DMD: variants seen among roughly 807,000 people sequenced by gnomAD.
DMD encodes dystrophin.
DMD carries 63 observed loss-of-function variants against 330.1 expected under a neutral mutation model. The observed-to-expected ratio is 0.19, with a 90% confidence interval of 0.16 to 0.24. The LOEUF (loss-of-function observed/expected upper bound fraction) is 0.24, where lower values mean the gene tolerates loss of function less well. Among genes scored for constraint, DMD ranks in the 10% least tolerant of loss-of-function variants. The pLI is 1.00. For missense variants in DMD, 3,344 were observed against 2,684.1 expected (o/e 1.25, Z -5.43); for synonymous variants, 1,223 against 959.8 (o/e 1.27, Z -5.07).
intron 60 of DMD, among the ~76,000 whole-genome samples, chrX:31,393,350 G>A (rs2060762680): frequency 9.2e-6 from 1 of 108,611 alleles, no homozygotes; most frequent in African/African-American, 3.3e-5. Flanking sequence ...GGTGGCGGAC[G>A]CCTGTAGTCC....
intron 47 of DMD, among the ~76,000 whole-genome samples, chrX:31,877,856 G>A (rs963656833): frequency 8.9e-6 from 1 of 111,862 alleles, no homozygotes; most frequent in African/African-American, 3.3e-5. Flanking sequence ...CTACTCACAA[G>A]TAGATGTAAA....
chrX:33,150,696 G>T (rs1185039325), intron 1 of DMD, among the ~76,000 whole-genome samples: 1 of 108,670 alleles, frequency 9.2e-6, no homozygotes, highest in Non-Finnish European at 1.9e-5. Context: ...TATCTAGTTG[G>T]CTTCTTGTCT....
intron 55 of DMD, among the ~76,000 whole-genome samples, chrX:31,549,134 C>T (rs760398183): frequency 9.0e-6 from 1 of 110,681 alleles, no homozygotes; most frequent in Non-Finnish European, 1.9e-5. Context: ...GAAACATTCC[C>T]GTGAATGCAA....
intron 51 of DMD, among the ~76,000 whole-genome samples, chrX:31,746,427 T>C (rs1283989277): frequency 8.9e-6 from 1 of 112,130 alleles, no homozygotes; most frequent in Non-Finnish European, 1.9e-5. Context: ...CATATAGGGA[T>C]AGAATCAGGC....
intron 42 of DMD, among the ~76,000 whole-genome samples, chrX:32,301,431 T>A (rs756885448): frequency 4.5e-5 from 5 of 110,107 alleles, no homozygotes; most frequent in Non-Finnish European, 9.5e-5. Flanking sequence ...AAGTTCTTGT[T>A]TTTTTTCCAT....
At chrX:31,767,380 A>G (rs973324209) in intron 51 of DMD, among the ~76,000 whole-genome samples, 24 of 110,378 alleles carry the variant, frequency 2.2e-4, no homozygotes, top group Non-Finnish European at 4.0e-4. Context: ...TTGTTTTGTT[A>G]TAATTTGGAT....
intron 50 of DMD, among the ~76,000 whole-genome samples, chrX:31,776,771 AAG>A (rs949819642): frequency 8.9e-6 from 1 of 112,157 alleles, no homozygotes; most frequent in Non-Finnish European, 1.9e-5. Flanking sequence ...GAGACTCAAA[AAG>A]AGAGAATGGT....
At chrX:31,974,935 A>G (rs1384003919) in intron 44 of DMD, among the ~76,000 whole-genome samples, 2 of 109,548 alleles carry the variant, frequency 1.8e-5, no homozygotes, top group East Asian at 2.9e-4. Context: ...TATCACTGCT[A>G]TTAATGTGTA....
In DMD at chrX:32,699,284, G is replaced by T. The variant is rs1292474583; in HGVS notation, c.659C>A (p.Thr220Asn). The T allele has an allele frequency of 1.7e-6, 2 of 1,203,955 alleles. No homozygotes were observed. Among genetic ancestry groups the T allele is most frequent in the Non-Finnish European group, 1.1e-6 (1 of 888,734 alleles). ...GATGGACTTCTTATCTGGATAGGTGGTATCAACATCTGTAAGCACATTAAC... is the reference window on the plus strand; with the variant it reads ...GATGGACTTCTTATCTGGATAGGTGTTATCAACATCTGTAAGCACATTAAC... Reference protein sequence around the residue: ...EKLLDPEDVDTTYPDKKSILM... With the variant: ...EKLLDPEDVDNTYPDKKSILM... The change falls in exon 8 of 79, where the codon ACC becomes AAC. Residue 220 changes from threonine (T) to asparagine (N), a missense_variant. Physicochemically the swap from Thr to Asn is moderately conservative, Grantham distance 65. Transcript: ENST00000357033.
chrX:32,637,032 T>C (rs982356061), intron 11 of DMD, among the ~76,000 whole-genome samples: 1 of 110,976 alleles, frequency 9.0e-6, no homozygotes, highest in African/African-American at 3.3e-5. Flanking sequence ...AAGATTCTTG[T>C]GGCAAATACA....
At chrX:32,667,401 G>A (rs1230150660) in intron 9 of DMD, among the ~76,000 whole-genome samples, 1 of 111,912 alleles carries the variant, frequency 8.9e-6, no homozygotes, top group Non-Finnish European at 1.9e-5. Context: ...TATATTTGCA[G>A]CCACTTTATG....
intron 30 of DMD, 46 bp downstream of exon 30, chrX:32,411,706 A>G: frequency 8.4e-7 from 1 of 1,185,271 alleles, no homozygotes; most frequent in Non-Finnish European, 1.1e-6. Flanking sequence ...ATTTTGTTGA[A>G]GTAATAAAAA....
chrX:32,371,790 T>C (rs755174748), intron 34 of DMD, among the ~76,000 whole-genome samples: 2 of 111,500 alleles, frequency 1.8e-5, no homozygotes, highest in Non-Finnish European at 3.8e-5. Flanking sequence ...ATTAAGATAC[T>C]AACAAACAAT....
intron 2 of DMD, among the ~76,000 whole-genome samples, chrX:32,979,311 G>A (rs746671194): frequency 1.2e-4 from 13 of 111,857 alleles, no homozygotes; most frequent in South Asian, 3.7e-4. Flanking sequence ...ATTTATCAAT[G>A]TTCCTAGAAA....
At chrX:31,164,798 G>C (rs2039240468) in intron 74 of DMD, among the ~76,000 whole-genome samples, 1 of 111,059 alleles carries the variant, frequency 9.0e-6, no homozygotes, top group Admixed American at 9.6e-5. Context: ...CCCTAGACTA[G>C]GCACGGAGGC....
intron 1 of DMD, among the ~76,000 whole-genome samples, chrX:33,102,105 G>A (rs770250095): frequency 1.8e-5 from 2 of 111,693 alleles, no homozygotes; most frequent in South Asian, 3.7e-4. Flanking sequence ...TTAGGCTCAC[G>A]GACTTCATAG....
At chrX:32,044,562 C>T (rs985897550) in intron 44 of DMD, among the ~76,000 whole-genome samples, 3 of 110,404 alleles carry the variant, frequency 2.7e-5, no homozygotes, top group Non-Finnish European at 5.7e-5. Context: ...GCTGAGACTA[C>T]AGGTGCCTGC....
chrX:32,205,428 T>A (rs2097063694), intron 44 of DMD, among the ~76,000 whole-genome samples: 1 of 109,325 alleles, frequency 9.1e-6, no homozygotes, highest in African/African-American at 3.3e-5. Context: ...GCTCTCTCTA[T>A]GAAGCTTTCC....
intron 45 of DMD, among the ~76,000 whole-genome samples, chrX:31,949,541 A>T (rs763849537): frequency 2.6e-4 from 29 of 111,251 alleles, no homozygotes; most frequent in African/African-American, 9.1e-4. Flanking sequence ...TATTTTGTGG[A>T]TATCAGATTT....
Sources: gnomAD v4.1 joint callset for allele counts (sites outside exome capture counted in the v4.1 genomes callset) on GRCh38, gnomAD v4.1.1 for gene constraint, MANE v1.5 for transcripts, NCBI Gene and HGNC (gene_info 2026-07-23, HGNC 2026-07-21) for gene names.